Variants in SERTAD4 observed in about 807,000 individuals in gnomAD.
SERTAD4 encodes SERTA domain-containing protein 4.
A neutral mutation model predicts 32.9 loss-of-function variants in SERTAD4; 18 were observed. That is an observed-to-expected ratio of 0.55 (90% CI 0.38 to 0.81). The LOEUF (loss-of-function observed/expected upper bound fraction) is 0.81. Ranked by LOEUF, SERTAD4 falls within the 30% of genes least tolerant of loss-of-function variation. The pLI, the probability that SERTAD4 is intolerant of heterozygous loss-of-function variation, is 0.00. For missense variants in SERTAD4, 383 were observed against 426.0 expected (o/e 0.90, Z 0.89); for synonymous variants, 150 against 156.4 (o/e 0.96, Z 0.30).
chr1:210,240,877 C>T (rs1418203607), intron 3 of SERTAD4, among the ~76,000 whole-genome samples: 2 of 152,192 alleles, frequency 1.3e-5, no homozygotes, highest in Non-Finnish European at 2.9e-5. Flanking sequence ...AGAGGGACAG[C>T]ATTAAAAGCC....
At position 210,245,856 on chromosome 1, in the gene SERTAD4, C is replaced by T. The variant is rs919676282; in HGVS notation, c.*3519C>T. ...TGACCATTAAGAGACATCAACTTCG[C>T]AACAAATATAAGACAAGGATACAAG... On this transcript the variant is annotated 3_prime_UTR_variant, in exon 4 of 4. Coordinates refer to ENST00000367012, the MANE Select transcript of SERTAD4 (RefSeq NM_019605.5). 7 of 985,180 alleles carry T rather than the reference C, an allele frequency of 7.1e-6. No individual in the cohort carries two copies. The African/African-American group carries it at 1.0e-4, about 15-fold the overall frequency. 61.0% of individuals were successfully genotyped at this position (985,180 alleles called of 1,614,324 possible).
chr1:210,239,523 TAAC>T lies in SERTAD4; in HGVS notation c.211_213del (p.Thr71del). On this transcript the variant is annotated inframe_deletion, in exon 3 of 4. Coordinates refer to ENST00000367012, the MANE Select transcript of SERTAD4 (RefSeq NM_019605.5). Reference sequence around the variant, plus strand: ...CATTACAGGGGAATTTCAAATCCTATAACAACATCCAAGATCACATACTTTAAG... The same window carrying T: ...CATTACAGGGGAATTTCAAATCCTATAACATCCAAGATCACATACTTTAAG... 1 of 1,607,604 alleles carries T rather than the reference TAAC, an allele frequency of 6.2e-7. No homozygotes were observed. Among genetic ancestry groups the T allele is most frequent in the Non-Finnish European group, 8.5e-7 (1 of 1,176,108 alleles).
At position 210,245,771 on chromosome 1, in the gene SERTAD4, C is replaced by T. The variant is rs1188649301; in HGVS notation, c.*3434C>T. On this transcript the variant is annotated 3_prime_UTR_variant, in exon 4 of 4. Coordinates refer to ENST00000367012, the MANE Select transcript of SERTAD4 (RefSeq NM_019605.5). Reference sequence around the variant, plus strand: ...CAGTTATGAACTTGTATTACAGCTCCACTTGGTGACTTCCTTTCTGTGTAT... The same window carrying T: ...CAGTTATGAACTTGTATTACAGCTCTACTTGGTGACTTCCTTTCTGTGTAT... The T allele has an allele frequency of 3.0e-6, 3 of 984,886 alleles. No individual in the cohort carries two copies. The highest frequency in any genetic ancestry group is 6.2e-5 in the Admixed American group (1 of 16,256). 61.0% of individuals were successfully genotyped at this position (984,886 alleles called of 1,614,324 possible). A position where few individuals can be genotyped will look rare whatever the true frequency, so the allele number is the denominator to read the frequency against.
chr1:210,233,217 T>C (rs1277290127), intron 1 of SERTAD4, among the ~76,000 whole-genome samples: 1 of 151,852 alleles, frequency 6.6e-6, no homozygotes, highest in Non-Finnish European at 1.5e-5. Context: ...AAGGCACAGC[T>C]GGGCGCGGAG....
Position 210,244,989 on chromosome 1 carries a change from A to AC in SERTAD4, c.*2653dup, listed in dbSNP as rs2084034097. The AC allele has an allele frequency of 1.3e-5, 2 of 152,182 alleles. No homozygotes were observed. Among genetic ancestry groups the AC allele is most frequent in the Non-Finnish European group, 2.9e-5 (2 of 68,030 alleles). The allele number at this position is 152,182 out of a possible 1,614,324, so 9.4% of individuals were successfully genotyped here. On this transcript the variant is annotated 3_prime_UTR_variant, in exon 4 of 4. Coordinates refer to ENST00000367012, the MANE Select transcript of SERTAD4 (RefSeq NM_019605.5). ...CTTGTTAGTAGGCGAGAGTGCTAGG[A>AC]CTTCCTGTGTTCACCTCCCATGCAC...
Position 210,244,910 on chromosome 1 carries a change from A to C in SERTAD4, c.*2573A>C, listed in dbSNP as rs1456560716. 6.6e-6 allele frequency: 1 copy of C among 152,160 alleles called. No individual in the cohort carries two copies. The highest frequency in any genetic ancestry group is 2.4e-5 in the African/African-American group (1 of 41,440). 9.4% of individuals were successfully genotyped at this position (152,160 alleles called of 1,614,324 possible). ...GGATATTTCTAGCATTGCAAAAAAA[A>C]ATTTCTTCACCAAACACTAATTCCT... On this transcript the variant is annotated 3_prime_UTR_variant, in exon 4 of 4. Coordinates refer to ENST00000367012, the MANE Select transcript of SERTAD4 (RefSeq NM_019605.5).
chr1:210,237,898 T>G, intron 1 of SERTAD4, 46 bp from the exon 2 acceptor site: 5 of 1,503,890 alleles, frequency 3.3e-6, no homozygotes, highest in Admixed American at 1.9e-5. Flanking sequence ...TTGCTCTTGA[T>G]TAGGGCTGTT....
At position 210,242,927 on chromosome 1, in the gene SERTAD4, CAG is replaced by C. The variant is rs1166857670; in HGVS notation, c.*595_*596del. 2.0e-6 allele frequency: 2 copies of C among 985,656 alleles called. No individual in the cohort carries two copies. Among genetic ancestry groups the C allele is most frequent in the Admixed American group, 6.2e-5 (1 of 16,250 alleles). The allele number at this position is 985,656 out of a possible 1,614,324, so 61.1% of individuals were successfully genotyped here. On this transcript the variant is annotated 3_prime_UTR_variant, in exon 4 of 4. Transcript: ENST00000367012. The surrounding 1 kb of genome is among the most constrained non-coding windows in gnomAD (Gnocchi z 4.0). ...AGGGGCGGCAATCAACAGTCTTACA[CAG>C]AGAGGGTATTCCCTGCAAGTTTCTG...
chr1:210,241,816 GA>G lies in SERTAD4; in HGVS notation c.554del (p.Lys185SerfsTer16). The G allele has an allele frequency of 6.2e-7, 1 of 1,614,142 alleles. No individual in the cohort carries two copies. The highest frequency in any genetic ancestry group is 1.1e-5 in the South Asian group (1 of 91,074). On this transcript the variant is annotated frameshift_variant, in exon 4 of 4. Coordinates refer to ENST00000367012, the MANE Select transcript of SERTAD4 (RefSeq NM_019605.5). LOFTEE classifies it high-confidence loss of function. Reference sequence around the variant, plus strand: ...ACCACGGATGGCCAAAGAGGAATGTGAAAAGTTTCATGCCTGCTGCTTTTAC... The same window carrying G: ...ACCACGGATGGCCAAAGAGGAATGTGAAAGTTTCATGCCTGCTGCTTTTAC... ...KRPRMAKEEC[E>X]KFHACCFYQE...
At chr1:210,240,250 A>G (rs918535573) in intron 3 of SERTAD4, among the ~76,000 whole-genome samples, 7 of 152,122 alleles carry the variant, frequency 4.6e-5, no homozygotes, top group Admixed American at 4.6e-4. Context: ...CTTTTGAAAT[A>G]TCAGTTCATT....
chr1:210,244,475 T>G lies in SERTAD4; in HGVS notation c.*2138T>G, dbSNP rs2084028817. On this transcript the variant is annotated 3_prime_UTR_variant, in exon 4 of 4. Coordinates refer to ENST00000367012, the MANE Select transcript of SERTAD4 (RefSeq NM_019605.5). ...TCAAACTGTGAAGATGACCCATATG[T>G]AAACAGTTATAACAGCTACAGATTA... 1 of 152,230 alleles carries G rather than the reference T, an allele frequency of 6.6e-6. No individual in the cohort carries two copies. Among genetic ancestry groups the G allele is most frequent in the Admixed American group, 6.5e-5 (1 of 15,278 alleles). 9.4% of individuals were successfully genotyped at this position (152,230 alleles called of 1,614,324 possible). A position where few individuals can be genotyped will look rare whatever the true frequency, so the allele number is the denominator to read the frequency against.
At position 210,242,005 on chromosome 1, in the gene SERTAD4, G is replaced by T; in HGVS notation, c.739G>T (p.Asp247Tyr). Residue 247 changes from aspartate to tyrosine, a missense_variant, in exon 4 of 4, where the codon GAT (aspartate) becomes TAT (tyrosine). Physicochemically the swap from Asp to Tyr is radical, Grantham distance 160. This residue lies in a region of SERTAD4 where 180 missense variants were observed against 190.6 expected (regional missense o/e 0.94). Transcript: ENST00000367012. The surrounding 1 kb of genome is among the most constrained non-coding windows in gnomAD (Gnocchi z 4.0). ...LPSCSRQVDF[D>Y]VGSASIYKSD... ...GAGTTGTTCCCGCCAGGTGGATTTT[G>T]ATGTAGGTAGTGCATCTATTTACAA... The T allele has an allele frequency of 6.2e-7, 1 of 1,614,118 alleles. No homozygotes were observed. Among genetic ancestry groups the T allele is most frequent in the Non-Finnish European group, 8.5e-7 (1 of 1,180,014 alleles).
chr1:210,237,584 C>T (rs772120064), intron 1 of SERTAD4: 18 of 176,894 alleles, frequency 1.0e-4, no homozygotes, highest in South Asian at 5.4e-4. Context: ...AGAAAGGAAG[C>T]GCAAGGGTTT....
At chr1:210,237,923 T>A in intron 1 of SERTAD4, 21 bp from the exon 2 acceptor site, 1 of 1,141,892 alleles carries the variant, frequency 8.8e-7, no homozygotes, top group Admixed American at 2.5e-5. Context: ...TCATTCTTGT[T>A]TTTTTTTTTT....
At chr1:210,236,144 T>A (rs562802163) in intron 1 of SERTAD4, among the ~76,000 whole-genome samples, 2 of 152,354 alleles carry the variant, frequency 1.3e-5, no homozygotes, top group Non-Finnish European at 2.9e-5. Context: ...GGACTTAATT[T>A]GTTAAATCAA....
At chr1:210,240,743 G>A (rs912446523) in intron 3 of SERTAD4, among the ~76,000 whole-genome samples, 10 of 152,132 alleles carry the variant, frequency 6.6e-5, no homozygotes, top group Non-Finnish European at 1.3e-4. Context: ...CTCCCACTCA[G>A]CTCCACAAGG....
chr1:210,240,177 G>A (rs960586185), intron 3 of SERTAD4, among the ~76,000 whole-genome samples: 4 of 149,966 alleles, frequency 2.7e-5, no homozygotes, highest in African/African-American at 1.0e-4. Context: ...TTTTTTGTAG[G>A]TATAGTTAAA....
intron 3 of SERTAD4, 32 bp from the exon 4 acceptor site, chr1:210,241,526 G>GTTTTT: frequency 4.9e-6 from 7 of 1,431,922 alleles, no homozygotes; most frequent in South Asian, 1.5e-5. Flanking sequence ...TTTTCTGTTT[G>GTTTTT]TTTTTTTCTT....
chr1:210,237,456 A>G (rs1041916441), intron 1 of SERTAD4: 2 of 159,522 alleles, frequency 1.3e-5, no homozygotes, highest in African/African-American at 4.8e-5. Flanking sequence ...TCAGAGCATC[A>G]GTTGGAATTA....
Sources: gnomAD v4.1 joint callset for allele counts (sites outside exome capture counted in the v4.1 genomes callset) on GRCh38, gnomAD v4.1.1 for gene constraint, gnomAD v4.1.1 regional missense constraint, Gnocchi (gnomAD v3.1) non-coding constraint, MANE v1.5 for transcripts, NCBI Gene and HGNC (gene_info 2026-07-23, HGNC 2026-07-21) for gene names.